The following ZCWPW2 variants were observed in gnomAD, a reference collection of about 807,000 sequenced individuals.
The protein encoded by ZCWPW2 is zinc finger CW-type and PWWP domain containing 2.
Under a neutral mutation model 46.6 loss-of-function variants are expected in ZCWPW2, and 45 were observed. The ratio of observed to expected loss-of-function variants is 0.96; its 90% CI spans 0.76 to 1.24. The LOEUF (loss-of-function observed/expected upper bound fraction) is 1.24, where lower values mean the gene tolerates loss of function less well. Among genes scored for constraint, ZCWPW2 ranks in the 50% most tolerant of loss-of-function variants. ZCWPW2 has a pLI of 0.00. For missense variants in ZCWPW2, 429 were observed against 403.9 expected (o/e 1.06, Z -0.53); for synonymous variants, 152 against 137.1 (o/e 1.11, Z -0.76).
At chr3:28,435,507 A>T (rs1383965429) in intron 4 of ZCWPW2, among the ~76,000 whole-genome samples, 4 of 136,046 alleles carry the variant, frequency 2.9e-5, no homozygotes, top group Admixed American at 7.8e-5. Context: ...TTTTTTGGAG[A>T]CAGAGTCTCG....
intron 4 of ZCWPW2, among the ~76,000 whole-genome samples, chr3:28,466,420 CAT>C (rs1448869668): frequency 1.3e-5 from 2 of 152,124 alleles, no homozygotes; most frequent in Admixed American, 1.3e-4. Context: ...AGCAACAAAA[CAT>C]AAATAATACA....
intron 2 of ZCWPW2, among the ~76,000 whole-genome samples, chr3:28,391,567 G>T (rs960091816): frequency 2.0e-5 from 3 of 152,204 alleles, no homozygotes. Context: ...GGATACAAAA[G>T]AAGGGCAGGG....
At chr3:28,382,761 T>C (rs752279898) in intron 1 of ZCWPW2, among the ~76,000 whole-genome samples, 1 of 152,132 alleles carries the variant, frequency 6.6e-6, no homozygotes, top group Non-Finnish European at 1.5e-5. Context: ...CCTTAAGTCT[T>C]TCAAAATCCT....
At chr3:28,503,031 C>T (rs899295783) in intron 6 of ZCWPW2, among the ~76,000 whole-genome samples, 8 of 152,012 alleles carry the variant, frequency 5.3e-5, no homozygotes, top group African/African-American at 1.9e-4. Context: ...AATTTTTCTC[C>T]GTACATAATG....
intron 2 of ZCWPW2, among the ~76,000 whole-genome samples, chr3:28,402,235 A>G (rs1234990278): frequency 2.0e-5 from 3 of 152,182 alleles, no homozygotes; most frequent in East Asian, 1.9e-4. Flanking sequence ...ATGAAATGAC[A>G]TGGGAGATAT....
intron 1 of ZCWPW2, among the ~76,000 whole-genome samples, chr3:28,384,876 A>T (rs1161252374): frequency 3.3e-5 from 5 of 152,086 alleles, no homozygotes; most frequent in Admixed American, 6.6e-5. Context: ...TTGGCCTCCC[A>T]AAGTGTTGGG....
At chr3:28,478,129 A>G (rs1385688835) in intron 4 of ZCWPW2, among the ~76,000 whole-genome samples, 1 of 152,184 alleles carries the variant, frequency 6.6e-6, no homozygotes, top group African/African-American at 2.4e-5. Context: ...ATGTAGTGTT[A>G]TCATTCACAG....
At chr3:28,387,575 A>G (rs1028994015) in intron 1 of ZCWPW2, among the ~76,000 whole-genome samples, 1 of 152,160 alleles carries the variant, frequency 6.6e-6, no homozygotes, top group African/African-American at 2.4e-5. Flanking sequence ...CAGTTTTTTC[A>G]AATATTAACA....
In ZCWPW2 at chr3:28,367,127, T is replaced by C. The variant is rs966846481; in HGVS notation, c.-134+17924T>C. Among the ~76,000 whole-genome samples, 26 of 152,310 alleles carry C rather than the reference T, an allele frequency of 1.7e-4. No homozygotes were observed. In the East Asian group the frequency reaches 3.3e-3, roughly 19 times the overall value. The stretch of plus-strand genomic sequence containing the variant: ...GCTTCATTGATTTTTTGAAGGGTTT[T>C]TTGTGTCTCTCTTTCCTTCAGTTCT... On this transcript the variant is annotated intron_variant, in intron 1 of 9. Transcript: ENST00000383768.
chr3:28,424,454 C>A (rs1311427505), intron 3 of ZCWPW2, among the ~76,000 whole-genome samples: 5 of 151,960 alleles, frequency 3.3e-5, no homozygotes, highest in African/African-American at 4.8e-5. Flanking sequence ...GTAAGAAGGG[C>A]CCTAATCCAA....
chr3:28,448,043 T>G (rs1186523828), intron 4 of ZCWPW2: 2 of 366,338 alleles, frequency 5.5e-6, no homozygotes, highest in Non-Finnish European at 1.1e-5. Context: ...GTGAAATTGT[T>G]TAAGGTACAA....
At chr3:28,350,978 T>C (rs976323473) in intron 1 of ZCWPW2, among the ~76,000 whole-genome samples, 1 of 151,772 alleles carries the variant, frequency 6.6e-6, no homozygotes, top group Non-Finnish European at 1.5e-5. Context: ...CTTAGGGATT[T>C]TTTTCAGGAA....
chr3:28,475,952 C>T (rs1443034992), intron 4 of ZCWPW2, among the ~76,000 whole-genome samples: 1 of 152,074 alleles, frequency 6.6e-6, no homozygotes, highest in Non-Finnish European at 1.5e-5. Context: ...TGTCTCTTCT[C>T]ATAGGCTACA....
Position 28,499,245 on chromosome 3 carries a change from C to T in ZCWPW2, c.657+7072C>T, listed in dbSNP as rs190634751. On this transcript the variant is annotated intron_variant, in intron 6 of 9. Coordinates refer to ENST00000383768, the MANE Select transcript of ZCWPW2 (RefSeq NM_001040432.4). ...CACACTGTCTTCCACAGTGGTTGAACTAATTTATACTCCCACCAACAGTGT... is the reference window on the plus strand; with the variant it reads ...CACACTGTCTTCCACAGTGGTTGAATTAATTTATACTCCCACCAACAGTGT... Among the ~76,000 whole-genome samples, 723 of 152,254 alleles carry T rather than the reference C, an allele frequency of 4.7e-3. 7 individuals are homozygous for T. Among genetic ancestry groups the T allele is most frequent in the Non-Finnish European group, 7.1e-3 (484 of 68,014 alleles).
At chr3:28,456,455 T>C (rs1698426549) in intron 4 of ZCWPW2, among the ~76,000 whole-genome samples, 1 of 152,220 alleles carries the variant, frequency 6.6e-6, no homozygotes, top group South Asian at 2.1e-4. Context: ...CTTTCCTATT[T>C]GAATACTATT....
At chr3:28,491,759 A>G (rs1266848705) in intron 5 of ZCWPW2, among the ~76,000 whole-genome samples, 1 of 152,076 alleles carries the variant, frequency 6.6e-6, no homozygotes, top group Non-Finnish European at 1.5e-5. Context: ...CATATAATAG[A>G]TAGATATGAA....
chr3:28,421,941 A>G (rs1452649133), intron 3 of ZCWPW2, among the ~76,000 whole-genome samples: 1 of 151,222 alleles, frequency 6.6e-6, no homozygotes, highest in Non-Finnish European at 1.5e-5. Flanking sequence ...TCAAAGTATC[A>G]AAAATATGAC....
chr3:28,451,897 C>T (rs1347844289), intron 4 of ZCWPW2, among the ~76,000 whole-genome samples: 6 of 152,296 alleles, frequency 3.9e-5, no homozygotes, highest in African/African-American at 1.2e-4. Context: ...ATCAAATAAT[C>T]TTGTACAGCT....
intron 4 of ZCWPW2, chr3:28,447,846 C>A: frequency 9.6e-7 from 1 of 1,040,336 alleles, no homozygotes; most frequent in Non-Finnish European, 1.5e-6. Flanking sequence ...GTTGGGAAAG[C>A]ACCAAATCTG....
Sources: gnomAD v4.1 joint callset for allele counts (sites outside exome capture counted in the v4.1 genomes callset) on GRCh38, gnomAD v4.1.1 for gene constraint, MANE v1.5 for transcripts, NCBI Gene and HGNC (gene_info 2026-07-23, HGNC 2026-07-21) for gene names.